The following LPP variants were observed in gnomAD, a reference collection of about 807,000 sequenced individuals.
LPP encodes lipoma-preferred partner.
LPP carries 38 observed loss-of-function variants against 60.4 expected under a neutral mutation model. The ratio of observed to expected loss-of-function variants is 0.63; its 90% confidence interval spans 0.49 to 0.83. The LOEUF is 0.83. LPP is among the 40% of genes least tolerant of loss of function. The pLI, the probability that LPP is intolerant of heterozygous loss-of-function variation, is 0.00. For missense variants in LPP, 902 were observed against 783.6 expected (o/e 1.15, Z -1.80); for synonymous variants, 328 against 290.8 (o/e 1.13, Z -1.30).
intron 1 of LPP, among the ~76,000 whole-genome samples, chr3:188,166,120 A>G (rs1321609328): frequency 6.6e-6 from 1 of 152,052 alleles, no homozygotes; most frequent in East Asian, 1.9e-4. Flanking sequence ...ATTGGTTGAA[A>G]ACTCCTCTGC....
intron 9 of LPP, among the ~76,000 whole-genome samples, chr3:188,825,775 T>C (rs376795447): frequency 5.3e-5 from 8 of 152,092 alleles, no homozygotes; most frequent in South Asian, 4.2e-4. Flanking sequence ...TGTTTTTTGT[T>C]TGTTTGTTTG....
Position 188,301,616 on chromosome 3 carries a change from A to C in LPP, c.-66-40047A>C, listed in dbSNP as rs180945072. 7.1e-3 allele frequency among the ~76,000 whole-genome samples: 1,079 copies of C among 152,206 alleles called. 14 individuals carry two copies. The highest frequency in any genetic ancestry group is 0.025 in the African/African-American group (1,047 of 41,550). On this transcript the variant is annotated intron_variant, in intron 2 of 11. Transcript: ENST00000617246. ...TGAGGTCAGACTAAGGAAAAGTCAA[A>C]GATATACAATTGCCATCTCTCCAAA...
In LPP at chr3:188,307,788, T is replaced by C. The variant is rs1577997760; in HGVS notation, c.-66-33875T>C. On this transcript the variant is annotated intron_variant, in intron 2 of 11. Transcript: ENST00000617246. Reference sequence around the variant, plus strand: ...ATGAGATAAGCTCATAACTGGGATGTTCAATATGACTTTATTAACACAGGG... The same window carrying C: ...ATGAGATAAGCTCATAACTGGGATGCTCAATATGACTTTATTAACACAGGG... Among the ~76,000 whole-genome samples the C allele has an allele frequency of 3.9e-5, 6 of 152,330 alleles. No homozygotes were observed. In the East Asian group the frequency reaches 1.2e-3, roughly 29 times the overall value.
At chr3:188,240,551 G>A (rs554069392) in intron 2 of LPP, among the ~76,000 whole-genome samples, 2 of 152,224 alleles carry the variant, frequency 1.3e-5, no homozygotes, top group East Asian at 1.9e-4. Flanking sequence ...GCCTAGAGTA[G>A]TTGAGAGCTT....
chr3:188,790,690 C>T (rs6803806), intron 9 of LPP, among the ~76,000 whole-genome samples: 105,773 of 151,488 alleles, frequency 0.7, 37,199 homozygotes, highest in East Asian at 0.9. Flanking sequence ...GGTGTGGTGG[C>T]GGGCACCTGT....
At position 188,883,647 on chromosome 3, in the gene LPP, C is replaced by T; in HGVS notation, c.*9168C>T. ...ACTTGGGAGGCTGAGGCAGGAGAAT[C>T]ACCTGAACCCAGGAGGCAGAGGTTG... On this transcript the variant is annotated 3_prime_UTR_variant, in exon 12 of 12. Transcript: ENST00000617246. 5.9e-6 allele frequency: 1 copy of T among 168,150 alleles called. No individual in the cohort carries two copies. The highest frequency in any genetic ancestry group is 1.2e-5 in the Non-Finnish European group (1 of 81,274). The allele number at this position is 168,150 out of a possible 1,614,324, so 10.4% of individuals were successfully genotyped here. A position where few individuals can be genotyped will look rare whatever the true frequency, so the allele number is the denominator to read the frequency against.
rs373086325 is a variant in LPP at position 188,781,816 on chromosome 3, C to T, written c.1410+21534C>T. 3.3e-4 allele frequency among the ~76,000 whole-genome samples: 50 copies of T among 150,550 alleles called. 1 individual carries two copies. The East Asian group carries it at 5.9e-3, about 18-fold the overall frequency. On this transcript the variant is annotated intron_variant, in intron 9 of 11. Coordinates refer to ENST00000617246, the MANE Select transcript of LPP (RefSeq NM_001375462.1). ...CTGAGGCAGGAGAATCACTTGAACCCGGGAGGCGGACGTTGCAGTGAGCTG... is the reference window on the plus strand; with the variant it reads ...CTGAGGCAGGAGAATCACTTGAACCTGGGAGGCGGACGTTGCAGTGAGCTG...
At chr3:188,227,813 A>G (rs1718373713) in intron 2 of LPP, among the ~76,000 whole-genome samples, 1 of 152,156 alleles carries the variant, frequency 6.6e-6, no homozygotes, top group Non-Finnish European at 1.5e-5. Flanking sequence ...CTATATTCTC[A>G]TAGGCTTGGC....
chr3:188,760,399 G>T (rs1731789922), intron 9 of LPP, 117 bp downstream of exon 9: 7 of 925,690 alleles, frequency 7.6e-6, no homozygotes, highest in Non-Finnish European at 1.2e-5. Context: ...ACTTCAAAAT[G>T]TGTGTGTGGG....
intron 7 of LPP, among the ~76,000 whole-genome samples, chr3:188,634,053 G>T (rs1848290268): frequency 6.6e-6 from 1 of 152,142 alleles, no homozygotes. Flanking sequence ...ACAAAAGTCT[G>T]CATGAAAATA....
intron 8 of LPP, among the ~76,000 whole-genome samples, chr3:188,750,737 G>A (rs1247983430): frequency 2.0e-5 from 3 of 152,148 alleles, no homozygotes; most frequent in African/African-American, 4.8e-5. Context: ...GAGGGACACT[G>A]GAGAAAACCT....
intron 2 of LPP, among the ~76,000 whole-genome samples, chr3:188,269,679 G>GTGTGTGTA (rs1293744303): frequency 6.7e-6 from 1 of 149,014 alleles, no homozygotes; most frequent in South Asian, 2.1e-4. Context: ...GTGTGTGTGT[G>GTGTGTGTA]TCACTCTGTC....
chr3:188,154,315 C>T lies in LPP; in HGVS notation c.-190+63C>T, dbSNP rs532845551. Among the ~76,000 whole-genome samples, 100 of 152,196 alleles carry T rather than the reference C, an allele frequency of 6.6e-4. 4 individuals are homozygous for T. In the South Asian group the frequency reaches 0.018, roughly 28 times the overall value. ...CCGCGGGCGCCTCGGGAACCCCCAG[C>T]CCTCCCCCGGCGCGAGCGCCTCCGG... On this transcript the variant is annotated intron_variant, in intron 1 of 11. Coordinates refer to ENST00000617246, the MANE Select transcript of LPP (RefSeq NM_001375462.1).
chr3:188,829,305 G>C (rs1347226161), intron 9 of LPP, among the ~76,000 whole-genome samples: 1 of 152,076 alleles, frequency 6.6e-6, no homozygotes, highest in African/African-American at 2.4e-5. Flanking sequence ...TCAATGACCT[G>C]CCTATCCTTT....
At chr3:188,684,634 C>T (rs200960086) in intron 7 of LPP, among the ~76,000 whole-genome samples, 1 of 114,606 alleles carries the variant, frequency 8.7e-6, no homozygotes, top group Non-Finnish European at 2.1e-5. Flanking sequence ...TCTGTTGTTT[C>T]ATTTAATTAC....
chr3:188,740,694 T>C (rs1045410382), intron 8 of LPP, among the ~76,000 whole-genome samples: 2 of 151,994 alleles, frequency 1.3e-5, no homozygotes, highest in Non-Finnish European at 2.9e-5. Flanking sequence ...TTAAACTTAT[T>C]TGATGTGTGC....
At chr3:188,503,714 T>C (rs1172636812) in intron 5 of LPP, among the ~76,000 whole-genome samples, 1 of 151,962 alleles carries the variant, frequency 6.6e-6, no homozygotes, top group Non-Finnish European at 1.5e-5. Context: ...AGATGTAGGA[T>C]TCGTGGTTGA....
At position 188,888,432 on chromosome 3, in the gene LPP, CT is replaced by C; in HGVS notation, c.*13958del. On this transcript the variant is annotated 3_prime_UTR_variant, in exon 12 of 12. Coordinates refer to ENST00000617246, the MANE Select transcript of LPP (RefSeq NM_001375462.1). ...ACGATTGCACCTTCTCCAAGTCTGC[CT>C]TTTTAACAGCTACAGTTAAGTTGGC... The C allele has an allele frequency of 4.4e-6, 1 of 227,380 alleles. No individual in the cohort carries two copies. The highest frequency in any genetic ancestry group is 8.8e-6 in the Non-Finnish European group (1 of 114,134). The allele number at this position is 227,380 out of a possible 1,614,324, so 14.1% of individuals were successfully genotyped here.
At chr3:188,683,358 GAA>G (rs1859949889) in intron 7 of LPP, among the ~76,000 whole-genome samples, 1 of 152,052 alleles carries the variant, frequency 6.6e-6, no homozygotes, top group African/African-American at 2.4e-5. Context: ...ACACATTGGA[GAA>G]CCCTATGTGC....
Sources: gnomAD v4.1 joint callset for allele counts (sites outside exome capture counted in the v4.1 genomes callset) on GRCh38, gnomAD v4.1.1 for gene constraint, MANE v1.5 for transcripts, NCBI Gene and HGNC (gene_info 2026-07-23, HGNC 2026-07-21) for gene names.